The following HLF variants were observed in gnomAD, a reference collection of about 807,000 sequenced individuals.
HLF encodes the protein hepatic leukemia factor.
HLF carries 3 observed loss-of-function variants against 22.6 expected under a neutral mutation model. That is an observed-to-expected ratio of 0.13 (90% CI 0.06 to 0.34). The LOEUF (loss-of-function observed/expected upper bound fraction) is 0.34. Among genes scored for constraint, HLF ranks in the 10% least tolerant of loss-of-function variants. HLF has a pLI of 1.00. For missense variants in HLF, 299 were observed against 389.2 expected, an observed-to-expected ratio of 0.77 and a Z score of 1.95; for synonymous variants, 151 against 151.8, an observed-to-expected ratio of 0.99 and a Z score of 0.04.
chr17:55,294,493 C>T (rs992222397), intron 2 of HLF, among the ~76,000 whole-genome samples: 1 of 152,178 alleles, frequency 6.6e-6, no homozygotes, highest in African/African-American at 2.4e-5. Context: ...GGGAGAGATA[C>T]GCACGTGAAA....
At chr17:55,292,966 A>G (rs2081078129) in intron 2 of HLF, among the ~76,000 whole-genome samples, 1 of 152,224 alleles carries the variant, frequency 6.6e-6, no homozygotes, top group Non-Finnish European at 1.5e-5. Context: ...AGACAGTAGA[A>G]TGATGGTTAC....
rs142142581 is a variant in HLF at position 55,301,519 on chromosome 17, A to G, written c.452-13708A>G. ...AGAGAAGTTAGGAGGAATTGTCGCC[A>G]ACATTGGTATAGTCAGGAGTCGGAG... On this transcript the variant is annotated intron_variant, in intron 2 of 3. Transcript: ENST00000226067. Among the ~76,000 whole-genome samples the G allele has an allele frequency of 2.4e-3, 372 of 152,392 alleles. 3 individuals are homozygous for G. Among genetic ancestry groups the G allele is most frequent in the Middle Eastern group, 0.02 (6 of 294 alleles).
intron 2 of HLF, among the ~76,000 whole-genome samples, chr17:55,307,581 C>T (rs1904639171): frequency 6.6e-6 from 1 of 151,990 alleles, no homozygotes; most frequent in Non-Finnish European, 1.5e-5. Context: ...AGACAATTTG[C>T]AAAATATTGA....
At chr17:55,316,422 C>G (rs1055551173) in intron 3 of HLF, among the ~76,000 whole-genome samples, 1 of 152,206 alleles carries the variant, frequency 6.6e-6, no homozygotes, top group African/African-American at 2.4e-5. Context: ...AACGTCTGAA[C>G]TGGCTTAGAC....
At chr17:55,298,532 C>G (rs891023066) in intron 2 of HLF, among the ~76,000 whole-genome samples, 1 of 152,176 alleles carries the variant, frequency 6.6e-6, no homozygotes, top group Non-Finnish European at 1.5e-5. Flanking sequence ...ATGGGTTTAG[C>G]TTGGCTAATC....
intron 2 of HLF, among the ~76,000 whole-genome samples, chr17:55,291,639 A>G (rs1270811244): frequency 2.6e-5 from 4 of 152,232 alleles, no homozygotes; most frequent in Non-Finnish European, 5.9e-5. Flanking sequence ...TAACACATTT[A>G]TTCTTCAGCC....
chr17:55,268,696 A>G (rs981092410), intron 2 of HLF, among the ~76,000 whole-genome samples: 1 of 149,772 alleles, frequency 6.7e-6, no homozygotes, highest in African/African-American at 2.5e-5. Context: ...ACCAGACTCC[A>G]TCTCTCTCGT....
chr17:55,288,952 C>A (rs2081033562), intron 2 of HLF: 16 of 984,942 alleles, frequency 1.6e-5, no homozygotes, highest in Non-Finnish European at 1.8e-5. Flanking sequence ...TAAAACTCAT[C>A]CCACAGGTTC....
At chr17:55,292,392 C>G (rs2081071869) in intron 2 of HLF, among the ~76,000 whole-genome samples, 1 of 152,218 alleles carries the variant, frequency 6.6e-6, no homozygotes, top group Non-Finnish European at 1.5e-5. Context: ...CAAGACCCAT[C>G]ATAAGTAAAA....
intron 2 of HLF, among the ~76,000 whole-genome samples, chr17:55,287,484 C>T (rs1263787603): frequency 2.0e-5 from 3 of 152,166 alleles, no homozygotes; most frequent in Non-Finnish European, 4.4e-5. Context: ...GCATCTACCC[C>T]CTGCCTGCAC....
chr17:55,306,720 G>A (rs1904582712), intron 2 of HLF, among the ~76,000 whole-genome samples: 1 of 152,072 alleles, frequency 6.6e-6, no homozygotes, highest in African/African-American at 2.4e-5. Context: ...TTCATCTTTG[G>A]CTAAGACTTT....
intron 2 of HLF, among the ~76,000 whole-genome samples, chr17:55,293,168 A>G (rs778204874): frequency 2.6e-5 from 4 of 152,250 alleles, no homozygotes; most frequent in South Asian, 2.1e-4. Flanking sequence ...GAAATGATCA[A>G]TGATCCCAGT....
intron 2 of HLF, among the ~76,000 whole-genome samples, chr17:55,295,390 A>G (rs1018762435): frequency 6.6e-6 from 1 of 152,258 alleles, no homozygotes; most frequent in Non-Finnish European, 1.5e-5. Flanking sequence ...TTGGTCTGAA[A>G]TATAATGAGA....
rs771126902 is a variant in HLF at position 55,320,793 on chromosome 17, C to T, written c.802C>T (p.Arg268Cys). 1.4e-5 allele frequency: 23 copies of T among 1,613,778 alleles called. No individual in the cohort carries two copies. The highest frequency in any genetic ancestry group is 1.6e-5 in the Non-Finnish European group (19 of 1,179,926). Residue 268 changes from arginine to cysteine, a missense_variant, in exon 4 of 4, where the codon CGC becomes TGC. Arg to Cys is a radical substitution (Grantham distance 180). This residue lies in a region of HLF where 224 missense variants were observed against 298.1 expected (regional missense o/e 0.75). Coordinates refer to ENST00000226067, the MANE Select transcript of HLF (RefSeq NM_002126.5). This position sits in a 1 kb window ranked among gnomAD's most constrained non-coding sequence, Gnocchi z 4.2. ...SFLEKENSALRQEVADLRKEL... is the reference protein window; with the variant it reads ...SFLEKENSALCQEVADLRKEL... ...CCTGGAGAAGGAGAACTCGGCCCTC[C>T]GCCAGGAGGTGGCTGACTTGAGGAA...
At chr17:55,298,712 A>G (rs1394187493) in intron 2 of HLF, among the ~76,000 whole-genome samples, 1 of 152,192 alleles carries the variant, frequency 6.6e-6, no homozygotes, top group African/African-American at 2.4e-5. Context: ...TCTCCCTACC[A>G]ACATGGAGGT....
intron 2 of HLF, among the ~76,000 whole-genome samples, chr17:55,300,974 C>T (rs377027611): frequency 2.6e-5 from 4 of 152,240 alleles, no homozygotes; most frequent in East Asian, 3.8e-4. Context: ...ACTCTCAGTT[C>T]CCCGACTGGC....
In HLF at chr17:55,320,804, G is replaced by C; in HGVS notation, c.813G>C (p.Val271=). ...AGAACTCGGCCCTCCGCCAGGAGGT[G>C]GCTGACTTGAGGAAGGAGCTGGGCA... The part of the protein sequence containing the change: ...EKENSALRQE[V]ADLRKELGKC... The change falls in exon 4 of 4, where the codon GTG becomes GTC. Residue 271 remains valine, a synonymous_variant. Coordinates refer to ENST00000226067, the MANE Select transcript of HLF (RefSeq NM_002126.5). This position sits in a 1 kb window ranked among gnomAD's most constrained non-coding sequence, Gnocchi z 4.2. 6.2e-7 allele frequency: 1 copy of C among 1,613,964 alleles called. No homozygotes were observed. The highest frequency in any genetic ancestry group is 1.1e-5 in the South Asian group (1 of 91,028).
chr17:55,265,835 G>A, intron 1 of HLF: 2 of 1,273,676 alleles, frequency 1.6e-6, no homozygotes, highest in Non-Finnish European at 2.0e-6. Flanking sequence ...TCGGGCACCC[G>A]GCCTCCCTGG....
At chr17:55,290,785 A>G (rs989504199) in intron 2 of HLF, among the ~76,000 whole-genome samples, 1 of 152,242 alleles carries the variant, frequency 6.6e-6, no homozygotes, top group Non-Finnish European at 1.5e-5. Context: ...AAGACAGGCC[A>G]AAAGCTAGGC....
Sources: allele counts gnomAD v4.1 joint callset (sites outside exome capture counted in the v4.1 genomes callset), GRCh38; gene constraint gnomAD v4.1.1; regional missense constraint gnomAD v4.1.1; non-coding constraint Gnocchi (gnomAD v3.1); transcripts MANE v1.5; gene names NCBI Gene and HGNC (gene_info 2026-07-23, HGNC 2026-07-21).